TPCN1: variants seen among roughly 807,000 people sequenced by gnomAD.
The protein encoded by TPCN1 is two pore channel protein 1.
In TPCN1, 52 loss-of-function variants were observed where a neutral mutation model predicts 108.8. That is an observed-to-expected ratio of 0.48 (90% CI 0.38 to 0.60). The LOEUF (loss-of-function observed/expected upper bound fraction) is 0.60, where lower values mean the gene tolerates loss of function less well. Ranked by LOEUF, TPCN1 falls within the 20% of genes least tolerant of loss-of-function variation. The pLI is 0.00. For missense variants in TPCN1, 806 were observed against 1,072.8 expected, an observed-to-expected ratio of 0.75 and a Z score of 3.47; for synonymous variants, 446 against 433.7, an observed-to-expected ratio of 1.03 and a Z score of -0.35.
chr12:113,278,109 A>G (rs1955734875), intron 12 of TPCN1, 80 bp from the exon 13 acceptor site: 1 of 1,258,266 alleles, frequency 7.9e-7, no homozygotes, highest in African/African-American at 1.5e-5. Flanking sequence ...AAAGGTGTCC[A>G]TAGGCAGGCA....
rs1159245473 is a variant in TPCN1 at position 113,272,820 on chromosome 12, G to A, written c.783+128G>A. Reference sequence around the variant, plus strand: ...TGCCTGGTTTCTCATCATAGCTTGTGTGTGCATTGCACCTGGGAGTTCCCA... The same window carrying A: ...TGCCTGGTTTCTCATCATAGCTTGTATGTGCATTGCACCTGGGAGTTCCCA... On this transcript the variant is annotated intron_variant, in intron 8 of 27. Coordinates refer to ENST00000335509, the MANE Select transcript of TPCN1 (RefSeq NM_017901.6). The surrounding 1 kb of genome is among the most constrained non-coding windows in gnomAD (Gnocchi z 4.1). 2 of 910,322 alleles carry A rather than the reference G, an allele frequency of 2.2e-6. No individual in the cohort carries two copies. Among genetic ancestry groups the A allele is most frequent in the South Asian group, 2.6e-5 (2 of 75,494 alleles). 56.4% of individuals were successfully genotyped at this position (910,322 alleles called of 1,614,324 possible).
Position 113,277,426 on chromosome 12 carries a change from C to T in TPCN1, c.1184+62C>T, listed in dbSNP as rs116166795. On this transcript the variant is annotated intron_variant, in intron 12 of 27. Coordinates refer to ENST00000335509, the MANE Select transcript of TPCN1 (RefSeq NM_017901.6). The stretch of plus-strand genomic sequence containing the variant: ...ACAAGGTGTTCACGTCTAGAGTGAA[C>T]GGGGGCATGTGAAGGCCCTTGAGGT... 5,299 of 1,601,316 alleles carry T rather than the reference C, an allele frequency of 3.3e-3. 118 individuals are homozygous for T. In the African/African-American group the frequency reaches 0.058, roughly 17 times the overall value.
chr12:113,266,379 C>A lies in TPCN1; in HGVS notation c.414+23C>A. ...TATGTGAGCGCACATGCTCCTCATA[C>A]GGGGGGCTGGGAGCCACGGCTTTCA... On this transcript the variant is annotated intron_variant, in intron 4 of 27. Coordinates refer to ENST00000335509, the MANE Select transcript of TPCN1 (RefSeq NM_017901.6). This position sits in a 1 kb window ranked among gnomAD's most constrained non-coding sequence, Gnocchi z 4.2. The A allele has an allele frequency of 6.3e-7, 1 of 1,599,120 alleles. No homozygotes were observed. The highest frequency in any genetic ancestry group is 8.5e-7 in the Non-Finnish European group (1 of 1,177,602).
At position 113,268,720 on chromosome 12, in the gene TPCN1, G is replaced by A; in HGVS notation, c.529-22G>A. The stretch of plus-strand genomic sequence containing the variant: ...CGGCTGGGCTGCAGGGGCTGACGGT[G>A]CTCCATGCCTGCCACCCACAGACCT... On this transcript the variant is annotated intron_variant, in intron 5 of 27. Transcript: ENST00000335509. The surrounding 1 kb of genome is among the most constrained non-coding windows in gnomAD (Gnocchi z 7.3). 6.2e-7 allele frequency: 1 copy of A among 1,612,086 alleles called. No homozygotes were observed. Among genetic ancestry groups the A allele is most frequent in the Non-Finnish European group, 8.5e-7 (1 of 1,179,706 alleles).
In TPCN1 at chr12:113,279,357, GTGTATATATATATATATA is replaced by G. The variant is rs1464406638; in HGVS notation, c.1297+524_1297+541del. ...TGTGTGTATATATATGTGTGTGTGT[GTGTATATATATATATATA>G]TATATATATATATATATTTTTTTTT... On this transcript the variant is annotated intron_variant, in intron 14 of 27. Transcript: ENST00000335509. Among the ~76,000 whole-genome samples, 18 of 66,026 alleles carry G rather than the reference GTGTATATATATATATATA, an allele frequency of 2.7e-4. 1 individual carries two copies. The highest frequency in any genetic ancestry group is 9.4e-3 in the Middle Eastern group (1 of 106). 43.3% of individuals were successfully genotyped at this position (66,026 alleles called of 152,430 possible).
chr12:113,256,521 C>T (rs139903119), intron 2 of TPCN1, among the ~76,000 whole-genome samples: 3 of 152,238 alleles, frequency 2.0e-5, no homozygotes, highest in African/African-American at 7.2e-5. Flanking sequence ...GCCTCAGTAA[C>T]CAAGACATCG....
chr12:113,257,970 G>A (rs1197926605), intron 2 of TPCN1, among the ~76,000 whole-genome samples: 2 of 152,090 alleles, frequency 1.3e-5, no homozygotes, highest in South Asian at 2.1e-4. Context: ...AATAATAGAT[G>A]CAGATTCATC....
intron 7 of TPCN1, among the ~76,000 whole-genome samples, chr12:113,270,433 G>T (rs1433947713): frequency 6.6e-6 from 1 of 151,972 alleles, no homozygotes. Flanking sequence ...TCCTCACGTG[G>T]TGGAAGGTGG....
chr12:113,271,083 C>T (rs1397080494), intron 7 of TPCN1, among the ~76,000 whole-genome samples: 2 of 151,526 alleles, frequency 1.3e-5, no homozygotes, highest in African/African-American at 4.9e-5. Flanking sequence ...GATAGGGAGA[C>T]CCCATCTCTA....
At chr12:113,262,804 C>T (rs1348105172) in intron 3 of TPCN1, among the ~76,000 whole-genome samples, 2 of 152,188 alleles carry the variant, frequency 1.3e-5, no homozygotes, top group Non-Finnish European at 2.9e-5. Context: ...TGATCATCTC[C>T]CACTTTACAG....
At chr12:113,281,693 C>T (rs1454034385) in intron 15 of TPCN1, among the ~76,000 whole-genome samples, 2 of 152,126 alleles carry the variant, frequency 1.3e-5, no homozygotes, top group Non-Finnish European at 2.9e-5. Flanking sequence ...TGCATGCCAC[C>T]ACACCTGGCT....
In TPCN1 at chr12:113,297,048, C is replaced by G. The variant is rs1373388918; in HGVS notation, c.*972C>G. On this transcript the variant is annotated 3_prime_UTR_variant, in exon 28 of 28. Coordinates refer to ENST00000335509, the MANE Select transcript of TPCN1 (RefSeq NM_017901.6). This position sits in a 1 kb window ranked among gnomAD's most constrained non-coding sequence, Gnocchi z 4.4. ...CCTGTGGGACGCAGCAGCCCCGTGG[C>G]CCCGGCCCAGTTCCCAGCCACCCTC... 6.6e-6 allele frequency: 1 copy of G among 152,436 alleles called. No individual in the cohort carries two copies. Among genetic ancestry groups the G allele is most frequent in the East Asian group, 1.9e-4 (1 of 5,202 alleles). 9.4% of individuals were successfully genotyped at this position (152,436 alleles called of 1,614,324 possible).
rs1956180369 is a variant in TPCN1, at chr12:113,288,923, CTTG to C, written c.1796+78_1796+80del. 1.4e-6 allele frequency: 2 copies of C among 1,466,442 alleles called. No homozygotes were observed. Among genetic ancestry groups the C allele is most frequent in the African/African-American group, 1.4e-5 (1 of 72,182 alleles). The allele number at this position is 1,466,442 out of a possible 1,614,324, so 90.8% of individuals were successfully genotyped here. A position where few individuals can be genotyped will look rare whatever the true frequency, so the allele number is the denominator to read the frequency against. On this transcript the variant is annotated intron_variant, in intron 21 of 27. Transcript: ENST00000335509. This position sits in a 1 kb window ranked among gnomAD's most constrained non-coding sequence, Gnocchi z 4.8. ...GCTGGCCAGGGCCAGGATTGGTGTCCTTGTGGCCTTGGGGTCCTCGGGGATGTT... is the reference window on the plus strand; with the variant it reads ...GCTGGCCAGGGCCAGGATTGGTGTCCTGGCCTTGGGGTCCTCGGGGATGTT...
intron 2 of TPCN1, among the ~76,000 whole-genome samples, chr12:113,227,905 AGT>A (rs1216327814): frequency 1.3e-5 from 2 of 151,966 alleles, no homozygotes; most frequent in African/African-American, 4.8e-5. Flanking sequence ...CAGGGATGTG[AGT>A]GTGGTGGGGA....
chr12:113,288,999 C>G lies in TPCN1; in HGVS notation c.1796+152C>G. 2.7e-6 allele frequency: 2 copies of G among 742,578 alleles called. No homozygotes were observed. The highest frequency in any genetic ancestry group is 4.5e-6 in the Non-Finnish European group (2 of 444,036). 46.0% of individuals were successfully genotyped at this position (742,578 alleles called of 1,614,324 possible). The stretch of plus-strand genomic sequence containing the variant: ...TTTGCTTTCAGGGCTTAGTTGAGTG[C>G]AGTGAGCTAAATGAGGGGCCTGGAC... On this transcript the variant is annotated intron_variant, in intron 21 of 27. Transcript: ENST00000335509. This position sits in a 1 kb window ranked among gnomAD's most constrained non-coding sequence, Gnocchi z 4.8.
At position 113,278,607 on chromosome 12, in the gene TPCN1, C is replaced by T. The variant is rs185255783; in HGVS notation, c.1234-165C>T. ...AGGCCTCTGCATGGCACATTGTAAA[C>T]GCTCGGTACACACTGGCTGGCTGTG... On this transcript the variant is annotated intron_variant, in intron 13 of 27. Transcript: ENST00000335509. Among the ~76,000 whole-genome samples, 238 of 152,274 alleles carry T rather than the reference C, an allele frequency of 1.6e-3. 1 individual carries two copies. Among genetic ancestry groups the T allele is most frequent in the African/African-American group, 5.4e-3 (224 of 41,546 alleles).
At chr12:113,292,876 A>G in intron 25 of TPCN1, 58 bp from the exon 26 acceptor site, 4 of 1,578,106 alleles carry the variant, frequency 2.5e-6, no homozygotes, top group Non-Finnish European at 1.7e-6. Flanking sequence ...TACGAGACCC[A>G]GCCAGGTTGG....
chr12:113,275,677 A>G (rs1478424028), intron 10 of TPCN1, among the ~76,000 whole-genome samples: 2 of 150,522 alleles, frequency 1.3e-5, no homozygotes, highest in Non-Finnish European at 3.0e-5. Context: ...GATTCACACC[A>G]TTCTCCTGCC....
rs747977135 is a variant in TPCN1 at position 113,268,757 on chromosome 12, G to T, written c.544G>T (p.Val182Leu). 2 of 1,613,786 alleles carry T rather than the reference G, an allele frequency of 1.2e-6. No homozygotes were observed. The highest frequency in any genetic ancestry group is 4.5e-5 in the East Asian group (2 of 44,886). The change falls in exon 6 of 28, where the codon GTG becomes TTG. Residue 182 changes from valine (V) to leucine (L), a missense_variant. By Grantham distance (32) the Val-to-Leu change is conservative. Transcript: ENST00000335509. This position sits in a 1 kb window ranked among gnomAD's most constrained non-coding sequence, Gnocchi z 7.3. ...CCACCCACAGACCTCGGTGCTGGTG[G>T]TGCAGTTTGTCGAGGCCATCGTGGT... ...RTMVKTSVLV[V>L]QFVEAIVVLV... is the part of the protein sequence containing the mutation.
Sources: gnomAD v4.1 joint callset for allele counts (sites outside exome capture counted in the v4.1 genomes callset) on GRCh38, gnomAD v4.1.1 for gene constraint, Gnocchi (gnomAD v3.1) non-coding constraint, MANE v1.5 for transcripts, NCBI Gene and HGNC (gene_info 2026-07-23, HGNC 2026-07-21) for gene names.